The following NOTUM variants were observed in gnomAD, a reference collection of about 807,000 sequenced individuals.
NOTUM encodes palmitoleoyl-protein carboxylesterase NOTUM.
Under a neutral mutation model 65.5 loss-of-function variants are expected in NOTUM, and 36 were observed. That is an observed-to-expected ratio of 0.55 (90% CI 0.42 to 0.73). The LOEUF is 0.73. Ranked by LOEUF, NOTUM falls within the 30% of genes least tolerant of loss-of-function variation. The pLI, the probability that NOTUM is intolerant of heterozygous loss-of-function variation, is 0.00. For missense variants in NOTUM, 659 were observed against 694.2 expected, an observed-to-expected ratio of 0.95 and a Z score of 0.57; for synonymous variants, 356 against 297.9, an observed-to-expected ratio of 1.20 and a Z score of -2.01.
At position 81,958,903 on chromosome 17, in the gene NOTUM, G is replaced by A. The variant is rs1166079808; in HGVS notation, c.533+32C>T. 1.9e-6 allele frequency: 3 copies of A among 1,567,584 alleles called. No individual in the cohort carries two copies. The Admixed American group carries it at 5.0e-5, about 26-fold the overall frequency. On this transcript the variant is annotated intron_variant, in intron 4 of 10. Transcript: ENST00000409678. ...CCCGGGAAGAACCACCCTCCAGGCA[G>A]GACTCCCAGGCAAGACCCTGTGCCC...
chr17:81,956,209 T>C (rs2041432110), intron 8 of NOTUM, among the ~76,000 whole-genome samples: 1 of 152,146 alleles, frequency 6.6e-6, no homozygotes, highest in Non-Finnish European at 1.5e-5. Flanking sequence ...TTCACCTAAA[T>C]ATGGTGATGA....
Position 81,960,822 on chromosome 17 carries a change from C to T in NOTUM, c.88G>A (p.Gly30Ser), listed in dbSNP as rs942502706. 2 of 1,526,218 alleles carry T rather than the reference C, an allele frequency of 1.3e-6. No individual in the cohort carries two copies. The highest frequency in any genetic ancestry group is 1.8e-6 in the Non-Finnish European group (2 of 1,139,036). 94.5% of individuals were successfully genotyped at this position (1,526,218 alleles called of 1,614,324 possible). The change falls in exon 1 of 11, where the codon GGT (glycine) becomes AGT (serine). Residue 30 changes from glycine to serine, a missense_variant. Transcript: ENST00000409678. This position sits in a 1 kb window ranked among gnomAD's most constrained non-coding sequence, Gnocchi z 6.4. ...CGCGGGGGAGGAGGCGGCTGCTGAC[C>T]CCGGCGCCGCCAGGTCTTCCTGCCC... is the stretch of plus-strand genomic sequence containing the variant. Reference protein sequence around the residue: ...SEGRKTWRRRGQQPPPPPRTE... With the variant: ...SEGRKTWRRRSQQPPPPPRTE...
chr17:81,960,762 C>T lies in NOTUM; in HGVS notation c.148G>A (p.Glu50Lys). 2 of 1,587,274 alleles carry T rather than the reference C, an allele frequency of 1.3e-6. No homozygotes were observed. Among genetic ancestry groups the T allele is most frequent in the Non-Finnish European group, 1.7e-6 (2 of 1,167,736 alleles). ...EAAPAAGQPV[E>K]SFPLDFTAVE... ...GCCGTGAAGTCCAGCGGGAAGCTCT[C>T]CACGGGCTGTCCGGCCGCCGGCGCC... Residue 50 changes from glutamate (E) to lysine (K), a missense_variant, in exon 1 of 11, where the codon GAG (glutamate) becomes AAG (lysine). Glu to Lys is a moderately conservative substitution (Grantham distance 56, BLOSUM62 1). Transcript: ENST00000409678. The surrounding 1 kb of genome is among the most constrained non-coding windows in gnomAD (Gnocchi z 6.4).
At position 81,960,649 on chromosome 17, in the gene NOTUM, C is replaced by T; in HGVS notation, c.261G>A (p.Glu87=). The stretch of plus-strand genomic sequence containing the variant: ...TGAGTAGGAGGTGCAGGCGCAGGTC[C>T]TCGTTGAGCTGCTGCGCGGAGCAGG... The part of the protein sequence containing the change: ...LYPCSAQQLN[E]DLRLHLLLNT... The change falls in exon 1 of 11, where the codon GAG becomes GAA. Residue 87 remains glutamate (E), a synonymous_variant. Transcript: ENST00000409678. This position sits in a 1 kb window ranked among gnomAD's most constrained non-coding sequence, Gnocchi z 6.4. The T allele has an allele frequency of 6.4e-7, 1 of 1,574,624 alleles. No homozygotes were observed. Among genetic ancestry groups the T allele is most frequent in the South Asian group, 1.2e-5 (1 of 86,492 alleles).
Position 81,960,790 on chromosome 17 carries a change from C to G in NOTUM, c.120G>C (p.Glu40Asp). 1 of 1,558,600 alleles carries G rather than the reference C, an allele frequency of 6.4e-7. No homozygotes were observed. The highest frequency in any genetic ancestry group is 2.4e-5 in the East Asian group (1 of 42,314). The stretch of plus-strand genomic sequence containing the variant: ...CGGGCTGTCCGGCCGCCGGCGCCGC[C>G]TCGGTCCGCGGGGGAGGAGGCGGCT... ...GQQPPPPPRT[E>D]AAPAAGQPVE... The change falls in exon 1 of 11, where the codon GAG (glutamate) becomes GAC (aspartate). Residue 40 changes from glutamate (E) to aspartate (D), a missense_variant. Transcript: ENST00000409678. The surrounding 1 kb of genome is among the most constrained non-coding windows in gnomAD (Gnocchi z 6.4).
Position 81,957,008 on chromosome 17 carries a change from G to A in NOTUM, c.762C>T (p.Tyr254=). 6.2e-7 allele frequency: 1 copy of A among 1,612,002 alleles called. No individual in the cohort carries two copies. Among genetic ancestry groups the A allele is most frequent in the Non-Finnish European group, 8.5e-7 (1 of 1,179,896 alleles). ...CCAGGCCTCGCACCTGGATGGCTGG[G>A]TAGCCCAGCTTCTCCAGCTGCTCAG... ...RVAEQLEKLG[Y]PAIQVRGLAD... Residue 254 remains tyrosine, a synonymous_variant, in exon 7 of 11, where the codon TAC becomes TAT. Transcript: ENST00000409678.
In NOTUM at chr17:81,952,840, G is replaced by C; in HGVS notation, c.*121C>G. 1.6e-5 allele frequency: 14 copies of C among 879,228 alleles called. No individual in the cohort carries two copies. Among genetic ancestry groups the C allele is most frequent in the East Asian group, 7.3e-5 (3 of 41,104 alleles). 54.5% of individuals were successfully genotyped at this position (879,228 alleles called of 1,614,324 possible). On this transcript the variant is annotated 3_prime_UTR_variant, in exon 11 of 11. Transcript: ENST00000409678. ...GGAGGGCAGTGGGCAGACCCAGACA[G>C]GGGGGACGGCTGGGGCCCTGTCCCG...
intron 10 of NOTUM, among the ~76,000 whole-genome samples, chr17:81,953,543 A>C (rs1302797318): frequency 3.3e-5 from 5 of 151,832 alleles, no homozygotes. Context: ...ATCTGCCCCC[A>C]TTGGCCTCCC....
At position 81,960,130 on chromosome 17, in the gene NOTUM, A is replaced by G. The variant is rs1017959918; in HGVS notation, c.324-438T>C. On this transcript the variant is annotated intron_variant, in intron 1 of 10. Transcript: ENST00000409678. This position sits in a 1 kb window ranked among gnomAD's most constrained non-coding sequence, Gnocchi z 6.4. ...CTGCCGAGCCCCGACCCCACGCCCA[A>G]GTCTCCCGCTGTCCCCGGCTGTCCT... 6.6e-6 allele frequency among the ~76,000 whole-genome samples: 1 copy of G among 151,850 alleles called. No individual in the cohort carries two copies. The highest frequency in any genetic ancestry group is 1.5e-5 in the Non-Finnish European group (1 of 67,916).
At chr17:81,955,109 A>G (rs940989417) in intron 9 of NOTUM, among the ~76,000 whole-genome samples, 2 of 152,092 alleles carry the variant, frequency 1.3e-5, no homozygotes, top group Non-Finnish European at 2.9e-5. Flanking sequence ...CCTCTTGAGT[A>G]GCTGGGATTA....
chr17:81,959,340 G>C (rs1421566245), intron 3 of NOTUM, 131 bp downstream of exon 3: 3 of 698,374 alleles, frequency 4.3e-6, no homozygotes, highest in South Asian at 3.6e-5. Context: ...GGCGCCCCTT[G>C]CTCTTAGTAA....
rs962121850 is a variant in NOTUM, at chr17:81,955,625, G to A, written c.989-81C>T. ...CCAGGCTCACAGCTCAGCACCCCCA[G>A]GCCCCTGCAGTGCCCCCACCCCAGG... is the stretch of plus-strand genomic sequence containing the variant. On this transcript the variant is annotated intron_variant, in intron 8 of 10. Transcript: ENST00000409678. 22 of 1,226,952 alleles carry A rather than the reference G, an allele frequency of 1.8e-5. No individual in the cohort carries two copies. In the African/African-American group the frequency reaches 4.4e-4, roughly 25 times the overall value. 76.0% of individuals were successfully genotyped at this position (1,226,952 alleles called of 1,614,324 possible).
chr17:81,954,349 C>T lies in NOTUM; in HGVS notation c.1137-46G>A, dbSNP rs754452624. On this transcript the variant is annotated intron_variant, in intron 9 of 10. Coordinates refer to ENST00000409678, the MANE Select transcript of NOTUM (RefSeq NM_178493.6). ...GCTTGTGAGCTCCTTACCCCCTCAG[C>T]CCCTTTTCCACCCCCACTCCCCTAG... 18 of 1,466,730 alleles carry T rather than the reference C, an allele frequency of 1.2e-5. No individual in the cohort carries two copies. In the African/African-American group the frequency reaches 2.1e-4, roughly 17 times the overall value. 90.9% of individuals were successfully genotyped at this position (1,466,730 alleles called of 1,614,324 possible).
intron 8 of NOTUM, among the ~76,000 whole-genome samples, chr17:81,956,345 A>C (rs372252502): frequency 1.2e-4 from 19 of 152,166 alleles, no homozygotes; most frequent in African/African-American, 4.6e-4. Context: ...CGGTATAGGC[A>C]GGGTGACCAC....
chr17:81,957,404 A>G (rs2041441576), intron 6 of NOTUM, among the ~76,000 whole-genome samples: 2 of 151,742 alleles, frequency 1.3e-5, no homozygotes, highest in South Asian at 2.1e-4. Flanking sequence ...TCTATTCCCC[A>G]TTTGTCTCCT....
In NOTUM at chr17:81,957,833, G is replaced by T; in HGVS notation, c.668C>A (p.Ala223Asp). ...GCTCCCGGCCAGCAGCAGCACCTTG[G>T]CCCCGCTCAGCCCTCTGCCCAGAAG... ...RELLGRGLSG[A>D]KVLLLAGSSA... Residue 223 changes from alanine to aspartate, a missense_variant, in exon 6 of 11, where the codon GCC becomes GAC. Coordinates refer to ENST00000409678, the MANE Select transcript of NOTUM (RefSeq NM_178493.6). 1 of 1,607,732 alleles carries T rather than the reference G, an allele frequency of 6.2e-7. No individual in the cohort carries two copies. Among genetic ancestry groups the T allele is most frequent in the Non-Finnish European group, 8.5e-7 (1 of 1,177,676 alleles).
In NOTUM at chr17:81,958,326, G is replaced by T. The variant is rs138575486; in HGVS notation, c.592+9C>A. 6.3e-7 allele frequency: 1 copy of T among 1,597,954 alleles called. No homozygotes were observed. ...TGCCCTGCCATGCCCTGGGAAGGCC[G>T]AGACTCACTCTTCTCAGACTTGGAT... is the stretch of plus-strand genomic sequence containing the variant. On this transcript the variant is annotated intron_variant, in intron 5 of 10. Transcript: ENST00000409678.
intron 4 of NOTUM, 127 bp from the exon 5 acceptor site, chr17:81,958,520 A>C: frequency 2.9e-6 from 2 of 681,496 alleles, no homozygotes; most frequent in African/African-American, 1.8e-5. Flanking sequence ...GGACCATCCC[A>C]GGATAGAACT....
At chr17:81,954,119 T>G (rs1165703290) in intron 10 of NOTUM, 137 bp downstream of exon 10, 1 of 646,724 alleles carries the variant, frequency 1.5e-6, no homozygotes, top group African/African-American at 1.8e-5. Flanking sequence ...TACAAGTGGC[T>G]CTGGCACCCC....
Sources: gnomAD v4.1 joint callset for allele counts (sites outside exome capture counted in the v4.1 genomes callset) on GRCh38, gnomAD v4.1.1 for gene constraint, Gnocchi (gnomAD v3.1) non-coding constraint, MANE v1.5 for transcripts, NCBI Gene and HGNC (gene_info 2026-07-23, HGNC 2026-07-21) for gene names.